Variants in CASP4 observed in about 807,000 individuals in gnomAD.
The protein encoded by CASP4 is caspase 4.
Under a neutral mutation model 41.3 loss-of-function variants are expected in CASP4, and 29 were observed. That is an observed-to-expected ratio of 0.70 (90% CI 0.52 to 0.96). The LOEUF (loss-of-function observed/expected upper bound fraction) is 0.96. Ranked by LOEUF, CASP4 falls within the 40% of genes least tolerant of loss-of-function variation. The pLI is 0.00. For synonymous variants in CASP4, 185 were observed against 158.4 expected (o/e 1.17, Z -1.26); for missense variants, 447 against 460.6 (o/e 0.97, Z 0.27).
rs1463970069 is a variant in CASP4, at chr11:104,949,654, T to A, written c.670A>T (p.Lys224Ter). 1 of 1,613,896 alleles carries A rather than the reference T, an allele frequency of 6.2e-7. No individual in the cohort carries two copies. The highest frequency in any genetic ancestry group is 1.1e-5 in the South Asian group (1 of 91,090). ...TCATAAAGCAGCACATCTGGTTTTT[T>A]CTCATCATGCACAGTTCCGCAGATT... ...EGICGTVHDE[K>*]KPDVLLYDTI... is the part of the protein sequence containing the mutation. Residue 224 changes from lysine to a stop codon, truncating the protein, a stop_gained, in exon 5 of 9, where the codon AAA (lysine) becomes TAA (stop). Transcript: ENST00000444739. LOFTEE classifies it high-confidence loss of function.
Position 104,949,643 on chromosome 11 carries a change from A to G in CASP4, c.681T>C (p.Asp227=), listed in dbSNP as rs150393983. 5.3e-4 allele frequency: 855 copies of G among 1,613,846 alleles called. No homozygotes were observed. The highest frequency in any genetic ancestry group is 5.1e-4 in the Non-Finnish European group (599 of 1,179,896). The change falls in exon 5 of 9, where the codon GAT becomes GAC. Residue 227 remains aspartate (D), a synonymous_variant. Transcript: ENST00000444739. ...CGTVHDEKKP[D]VLLYDTIFQI... ...GGAAGATGGTGTCATAAAGCAGCAC[A>G]TCTGGTTTTTTCTCATCATGCACAG...
At chr11:104,943,207 A>G (rs973593114) in intron 8 of CASP4, 2 of 311,682 alleles carry the variant, frequency 6.4e-6, no homozygotes, top group African/African-American at 4.4e-5. Flanking sequence ...CGCTCAGATA[A>G]TAATTTTTAA....
intron 1 of CASP4, among the ~76,000 whole-genome samples, chr11:104,967,346 C>A (rs1210063969): frequency 3.3e-5 from 5 of 151,974 alleles, no homozygotes; most frequent in African/African-American, 4.8e-5. Context: ...AGTAAAGAAA[C>A]AACAACAAGG....
rs761965905 is a variant in CASP4 at position 104,968,549 on chromosome 11, T to C, written c.-24A>G. 1 of 1,613,020 alleles carries C rather than the reference T, an allele frequency of 6.2e-7. No homozygotes were observed. ...ATAGGGAACAGCCTCTGTCCTTTTT[T>C]ACAGCGTTGGAAAGAGCCTCAGAGT... On this transcript the variant is annotated 5_prime_UTR_variant, in exon 1 of 9. Transcript: ENST00000444739.
chr11:104,954,739 A>T lies in CASP4; in HGVS notation c.262+8T>A. The stretch of plus-strand genomic sequence containing the variant: ...TTGAGACATTCATTGTAAAAAATCC[A>T]GTCTTACCTTTTTTATTGGGGGATA... On this transcript the variant is annotated splice_region_variant and intron_variant, in intron 2 of 8. Coordinates refer to ENST00000444739, the MANE Select transcript of CASP4 (RefSeq NM_001225.4). 1.9e-6 allele frequency: 3 copies of T among 1,611,290 alleles called. No homozygotes were observed. Among genetic ancestry groups the T allele is most frequent in the African/African-American group, 1.3e-5 (1 of 74,788 alleles).
rs576555753 is a variant in CASP4 at position 104,964,217 on chromosome 11, A to G, written c.7+4302T>C. Among the ~76,000 whole-genome samples the G allele has an allele frequency of 3.3e-5, 5 of 152,312 alleles. No individual in the cohort carries two copies. In the South Asian group the frequency reaches 8.3e-4, roughly 25 times the overall value. On this transcript the variant is annotated intron_variant, in intron 1 of 8. Coordinates refer to ENST00000444739, the MANE Select transcript of CASP4 (RefSeq NM_001225.4). The stretch of plus-strand genomic sequence containing the variant: ...TTCAAAAGGCAGTTTATAATCAGGT[A>G]TAGGACTCTGAGTGCAGGTCTCAGA...
chr11:104,950,657 C>T (rs1168962833), intron 4 of CASP4, among the ~76,000 whole-genome samples: 1 of 152,090 alleles, frequency 6.6e-6, no homozygotes, highest in African/African-American at 2.4e-5. Context: ...TTCGGGGCTG[C>T]ATCCCAATCA....
intron 1 of CASP4, among the ~76,000 whole-genome samples, chr11:104,957,279 A>G (rs1035279859): frequency 6.6e-6 from 1 of 152,202 alleles, no homozygotes; most frequent in African/African-American, 2.4e-5. Context: ...TCTTTAAAAA[A>G]TAAATAAATT....
At chr11:104,957,557 A>G (rs2134650036) in intron 1 of CASP4, among the ~76,000 whole-genome samples, 1 of 152,264 alleles carries the variant, frequency 6.6e-6, no homozygotes. Flanking sequence ...TGGCTACAGA[A>G]TGAGATCCTG....
At chr11:104,962,021 T>C (rs1039405461) in intron 1 of CASP4, among the ~76,000 whole-genome samples, 1 of 152,174 alleles carries the variant, frequency 6.6e-6, no homozygotes, top group East Asian at 1.9e-4. Flanking sequence ...CAGGTTGATA[T>C]TGGGTGCTGA....
At chr11:104,951,677 C>A (rs138043197) in intron 3 of CASP4, 3 of 570,452 alleles carry the variant, frequency 5.3e-6, no homozygotes, top group Non-Finnish European at 9.5e-6. Flanking sequence ...ATAGAAATAC[C>A]AATTTTCTTT....
At chr11:104,951,596 T>G in intron 3 of CASP4, 1 of 419,536 alleles carries the variant, frequency 2.4e-6, no homozygotes, top group South Asian at 2.4e-5. Flanking sequence ...ATCCTCCAAA[T>G]ATGTTTATTC....
intron 1 of CASP4, among the ~76,000 whole-genome samples, chr11:104,963,696 C>A (rs55661563): frequency 2.0e-5 from 3 of 152,176 alleles, no homozygotes; most frequent in Non-Finnish European, 4.4e-5. Context: ...AGAGATGAGA[C>A]TTCCATGGGG....
intron 1 of CASP4, among the ~76,000 whole-genome samples, chr11:104,958,010 T>C (rs7123277): frequency 0.17 from 25,446 of 152,100 alleles, 2,436 homozygotes; most frequent in African/African-American, 0.25. Flanking sequence ...AATTTGACTT[T>C]TCAACAAAGG....
rs146469703 is a variant in CASP4, at chr11:104,953,676, T to A, written c.262+1071A>T. Reference sequence around the variant, plus strand: ...TTGATATAGTGAGGTCTCAACAATTTATATTTCCTTTTGTTTATCACTATT... The same window carrying A: ...TTGATATAGTGAGGTCTCAACAATTAATATTTCCTTTTGTTTATCACTATT... On this transcript the variant is annotated intron_variant, in intron 2 of 8. Transcript: ENST00000444739. Among the ~76,000 whole-genome samples the A allele has an allele frequency of 7.4e-3, 1,120 of 152,290 alleles. 14 individuals carry two copies. The highest frequency in any genetic ancestry group is 0.025 in the African/African-American group (1,057 of 41,576).
chr11:104,968,024 A>C (rs1861013515), intron 1 of CASP4, among the ~76,000 whole-genome samples: 1 of 152,174 alleles, frequency 6.6e-6, no homozygotes, highest in South Asian at 2.1e-4. Context: ...ATATTATATT[A>C]AAGTAGTCAG....
intron 1 of CASP4, among the ~76,000 whole-genome samples, chr11:104,963,582 G>A (rs1860908543): frequency 6.6e-6 from 1 of 152,186 alleles, no homozygotes; most frequent in African/African-American, 2.4e-5. Context: ...TTAAGGGATG[G>A]CTAATAGTAT....
rs763754963 is a variant in CASP4 at position 104,950,911 on chromosome 11, T to A, written c.546+14A>T. On this transcript the variant is annotated intron_variant, in intron 4 of 8. Transcript: ENST00000444739. ...TGAATATGTATGTGTTTGTGGCGGC[T>A]GAGGGATTCTTACCCTGGCTGTCAG... is the stretch of plus-strand genomic sequence containing the variant. The A allele has an allele frequency of 2.0e-5, 32 of 1,608,012 alleles. No homozygotes were observed. The South Asian group carries it at 3.1e-4, about 16-fold the overall frequency.
At chr11:104,957,511 A>G (rs1412624441) in intron 1 of CASP4, among the ~76,000 whole-genome samples, 1 of 151,866 alleles carries the variant, frequency 6.6e-6, no homozygotes, top group Non-Finnish European at 1.5e-5. Flanking sequence ...ATTTGAGATT[A>G]TAGTGAGCTA....
Sources: gnomAD v4.1 joint callset for allele counts (sites outside exome capture counted in the v4.1 genomes callset) on GRCh38, gnomAD v4.1.1 for gene constraint, MANE v1.5 for transcripts, NCBI Gene and HGNC (gene_info 2026-07-23, HGNC 2026-07-21) for gene names.